The following CDH10 variants were observed in gnomAD, a reference collection of about 807,000 sequenced individuals.
The protein encoded by CDH10 is cadherin-10.
CDH10 carries 30 observed loss-of-function variants against 73.1 expected under a neutral mutation model. The ratio of observed to expected loss-of-function variants is 0.41; its 90% CI spans 0.31 to 0.56. The LOEUF is 0.56. CDH10 is among the 20% of genes least tolerant of loss of function. The pLI, the probability that CDH10 is intolerant of heterozygous loss-of-function variation, is 0.27. For synonymous variants in CDH10, 345 were observed against 348.2 expected (o/e 0.99, Z 0.10); for missense variants, 815 against 973.7 (o/e 0.84, Z 2.17).
chr5:24,541,572 AAACTT>A (rs1372819229), intron 2 of CDH10, among the ~76,000 whole-genome samples: 9 of 152,092 alleles, frequency 5.9e-5, no homozygotes, highest in Admixed American at 1.3e-4. Context: ...ACACGCCAAA[AAACTT>A]AAAGCATCTA....
chr5:24,616,889 T>G (rs1468810135), intron 1 of CDH10, among the ~76,000 whole-genome samples: 2 of 152,176 alleles, frequency 1.3e-5, no homozygotes, highest in African/African-American at 4.8e-5. Flanking sequence ...CAATATATCT[T>G]TTTTAAAAAA....
intron 9 of CDH10, among the ~76,000 whole-genome samples, chr5:24,494,670 A>T (rs1018582697): frequency 6.6e-6 from 1 of 152,056 alleles, no homozygotes; most frequent in African/African-American, 2.4e-5. Flanking sequence ...TCAGAAAACA[A>T]ATAGTGACAT....
intron 5 of CDH10, among the ~76,000 whole-genome samples, chr5:24,530,864 A>T (rs1366763076): frequency 6.6e-6 from 1 of 152,114 alleles, no homozygotes; most frequent in African/African-American, 2.4e-5. Flanking sequence ...ATGTTCACAT[A>T]TTTATATACT....
At chr5:24,634,053 T>A (rs146687842) in intron 1 of CDH10, among the ~76,000 whole-genome samples, 1 of 151,952 alleles carries the variant, frequency 6.6e-6, no homozygotes, top group African/African-American at 2.4e-5. Context: ...AACCCTCTGA[T>A]CACGTTGTGA....
chr5:24,632,931 T>C (rs903743065), intron 1 of CDH10, among the ~76,000 whole-genome samples: 3 of 151,840 alleles, frequency 2.0e-5, no homozygotes, highest in Non-Finnish European at 4.4e-5. Flanking sequence ...GAGGACAATG[T>C]TGATACTTTA....
chr5:24,553,602 T>A (rs535254448), intron 2 of CDH10, among the ~76,000 whole-genome samples: 1 of 152,192 alleles, frequency 6.6e-6, no homozygotes, highest in African/African-American at 2.4e-5. Flanking sequence ...AAAGACAATT[T>A]TTATTCTATG....
intron 2 of CDH10, among the ~76,000 whole-genome samples, chr5:24,583,067 A>T (rs528003886): frequency 6.5e-4 from 99 of 152,078 alleles, no homozygotes; most frequent in African/African-American, 2.3e-3. Context: ...AATTTTTTTT[A>T]AAAAAACTAA....
In CDH10 at chr5:24,521,310, C is replaced by T. The variant is rs186422734; in HGVS notation, c.815-9796G>A. On this transcript the variant is annotated intron_variant, in intron 5 of 11. Coordinates refer to ENST00000264463, the MANE Select transcript of CDH10 (RefSeq NM_006727.5). The stretch of plus-strand genomic sequence containing the variant: ...CTATAATCCCAGCACTCTGAGAGGC[C>T]GAGGTGGGCGGATCACCTGAGGTCA... Among the ~76,000 whole-genome samples the T allele has an allele frequency of 2.1e-3, 314 of 152,088 alleles. 2 individuals are homozygous for T. Among genetic ancestry groups the T allele is most frequent in the Non-Finnish European group, 3.8e-3 (260 of 67,984 alleles).
At chr5:24,579,862 T>C (rs1505880) in intron 2 of CDH10, among the ~76,000 whole-genome samples, 57,742 of 151,588 alleles carry the variant, frequency 0.38, 13,322 homozygotes, top group East Asian at 0.53. Context: ...TATTATCTAG[T>C]CCCATGACAT....
At chr5:24,603,585 TA>T (rs1291365469) in intron 1 of CDH10, among the ~76,000 whole-genome samples, 1 of 152,124 alleles carries the variant, frequency 6.6e-6, no homozygotes, top group East Asian at 1.9e-4. Flanking sequence ...ACCATTTCAA[TA>T]GATGAAGAAA....
intron 2 of CDH10, 116 bp from the exon 3 acceptor site, chr5:24,537,790 C>T (rs1382661138): frequency 9.6e-6 from 6 of 623,920 alleles, no homozygotes; most frequent in Non-Finnish European, 1.4e-5. Flanking sequence ...GGCTATCCTA[C>T]TTCTTGAAAT....
chr5:24,487,804 A>C lies in CDH10; in HGVS notation c.2226T>G (p.Asp742Glu). Residue 742 changes from aspartate (D) to glutamate (E), a missense_variant, in exon 12 of 12, where the codon GAT becomes GAG. Physicochemically the swap from Asp to Glu is conservative, Grantham distance 45. This residue lies in a region of CDH10 where 241 missense variants were observed against 240.3 expected (regional missense o/e 1.00). Coordinates refer to ENST00000264463, the MANE Select transcript of CDH10 (RefSeq NM_006727.5). ...ATGAACTCAGAGATTCAGCAATGGAATCATTTCCTTCATAGGCATAGGTTG... is the reference window on the plus strand; with the variant it reads ...ATGAACTCAGAGATTCAGCAATGGACTCATTTCCTTCATAGGCATAGGTTG... ...SLATYAYEGN[D>E]SIAESLSSLE... is the part of the protein sequence containing the mutation. 3 of 1,612,920 alleles carry C rather than the reference A, an allele frequency of 1.9e-6. No homozygotes were observed. Among genetic ancestry groups the C allele is most frequent in the East Asian group, 2.2e-5 (1 of 44,836 alleles).
At chr5:24,530,016 CTT>C (rs34282847) in intron 5 of CDH10, among the ~76,000 whole-genome samples, 2 of 121,830 alleles carry the variant, frequency 1.6e-5, no homozygotes, top group African/African-American at 3.1e-5. Context: ...TCTATTTTTA[CTT>C]TTTTTTTTTT....
At chr5:24,563,510 C>G (rs1236238996) in intron 2 of CDH10, among the ~76,000 whole-genome samples, 1 of 145,490 alleles carries the variant, frequency 6.9e-6, no homozygotes, top group Admixed American at 7.1e-5. Flanking sequence ...AATCCCAGCA[C>G]TTTGGGAGGT....
chr5:24,579,735 C>T (rs1253316645), intron 2 of CDH10, among the ~76,000 whole-genome samples: 2 of 152,076 alleles, frequency 1.3e-5, no homozygotes, highest in Non-Finnish European at 2.9e-5. Context: ...AATATTTATT[C>T]TCAGTTTCAT....
At chr5:24,524,890 C>A (rs1033096681) in intron 5 of CDH10, among the ~76,000 whole-genome samples, 1 of 152,080 alleles carries the variant, frequency 6.6e-6, no homozygotes, top group Non-Finnish European at 1.5e-5. Flanking sequence ...TTAATGATTT[C>A]AAACAATTTT....
chr5:24,529,355 T>C (rs865843459), intron 5 of CDH10, among the ~76,000 whole-genome samples: 4 of 151,974 alleles, frequency 2.6e-5, no homozygotes, highest in Admixed American at 6.6e-5. Context: ...ATGGGAAATA[T>C]AATGAATTGA....
At position 24,599,775 on chromosome 5, in the gene CDH10, T is replaced by C. The variant is rs936770756; in HGVS notation, c.-123-6162A>G. Among the ~76,000 whole-genome samples the C allele has an allele frequency of 2.6e-5, 4 of 152,138 alleles. No individual in the cohort carries two copies. The East Asian group carries it at 5.8e-4, about 22-fold the overall frequency. The stretch of plus-strand genomic sequence containing the variant: ...GCACAGGAATCATAAGACAAATCTT[T>C]GTGGCACGTATTTGTGAGATAGTCA... On this transcript the variant is annotated intron_variant, in intron 1 of 11. Coordinates refer to ENST00000264463, the MANE Select transcript of CDH10 (RefSeq NM_006727.5).
intron 5 of CDH10, among the ~76,000 whole-genome samples, chr5:24,512,481 C>CA (rs1742954380): frequency 6.6e-6 from 1 of 151,578 alleles, no homozygotes; most frequent in African/African-American, 2.4e-5. Flanking sequence ...CAGAACATTA[C>CA]AAAATCCAAT....
Sources: allele counts gnomAD v4.1 joint callset (sites outside exome capture counted in the v4.1 genomes callset), GRCh38; gene constraint gnomAD v4.1.1; regional missense constraint gnomAD v4.1.1; transcripts MANE v1.5; gene names NCBI Gene and HGNC (gene_info 2026-07-23, HGNC 2026-07-21).